AFF3: variants seen among roughly 807,000 people sequenced by gnomAD.
AFF3 encodes AF4/FMR2 family member 3.
Under a neutral mutation model 129.7 loss-of-function variants are expected in AFF3, and 32 were observed. That is an observed-to-expected ratio of 0.25 (90% CI 0.19 to 0.33). AFF3 has a LOEUF of 0.33. Among genes scored for constraint, AFF3 ranks in the 10% least tolerant of loss-of-function variants. The pLI is 1.00. For missense variants in AFF3, 1,373 were observed against 1,592.0 expected (o/e 0.86, Z 2.34); for synonymous variants, 644 against 635.4 (o/e 1.01, Z -0.20).
At chr2:100,081,580 C>T (rs1332506773) in intron 4 of AFF3, among the ~76,000 whole-genome samples, 1 of 152,108 alleles carries the variant, frequency 6.6e-6, no homozygotes, top group Non-Finnish European at 1.5e-5. Flanking sequence ...ACCATTTGGC[C>T]TCTGACCCAC....
intron 7 of AFF3, among the ~76,000 whole-genome samples, chr2:99,916,603 C>T (rs1695492017): frequency 2.0e-5 from 3 of 152,118 alleles, no homozygotes; most frequent in Non-Finnish European, 4.4e-5. Flanking sequence ...GCAAGATCTT[C>T]CAACAGGTTC....
chr2:99,707,279 C>G (rs1677488891), intron 11 of AFF3: 2 of 985,192 alleles, frequency 2.0e-6, no homozygotes, highest in Middle Eastern at 1.0e-3. Context: ...AGCCTTCTTG[C>G]TTTTAGTAAT....
chr2:99,724,267 C>CTTTTTTTTTTTTTTTTTTTTT (rs1553440069), intron 11 of AFF3, among the ~76,000 whole-genome samples: 1 of 27,006 alleles, frequency 3.7e-5, no homozygotes, highest in African/African-American at 2.0e-4. Context: ...GTGGAATGAC[C>CTTTTTTTTTTTTTTTTTTTTT]TTTCTTTTTT....
chr2:99,824,336 A>T (rs1250644421), intron 8 of AFF3, among the ~76,000 whole-genome samples: 1 of 152,110 alleles, frequency 6.6e-6, no homozygotes, highest in Non-Finnish European at 1.5e-5. Flanking sequence ...GCTGGTCTTA[A>T]ACTCCCAACC....
At chr2:99,759,231 T>C (rs1682381574) in intron 8 of AFF3, among the ~76,000 whole-genome samples, 1 of 152,220 alleles carries the variant, frequency 6.6e-6, no homozygotes, top group Non-Finnish European at 1.5e-5. Context: ...TGTACTTCAA[T>C]CTACACCCAA....
At chr2:99,689,216 C>T (rs1452899825) in intron 11 of AFF3, among the ~76,000 whole-genome samples, 4 of 149,324 alleles carry the variant, frequency 2.7e-5, no homozygotes, top group African/African-American at 1.0e-4. Context: ...TGCAGTCCCC[C>T]TATGATTTAA....
chr2:100,029,509 A>G (rs1684313045), intron 4 of AFF3, among the ~76,000 whole-genome samples: 1 of 152,162 alleles, frequency 6.6e-6, no homozygotes, highest in South Asian at 2.1e-4. Context: ...ACTAACGCAT[A>G]CAACACGGAT....
At chr2:99,898,839 C>A (rs192574348) in intron 7 of AFF3, among the ~76,000 whole-genome samples, 1 of 152,338 alleles carries the variant, frequency 6.6e-6, no homozygotes, top group East Asian at 1.9e-4. Context: ...GGCTCCACTG[C>A]CTGGGGCTCT....
intron 1 of AFF3, among the ~76,000 whole-genome samples, chr2:100,135,264 G>A (rs956948935): frequency 6.6e-6 from 1 of 152,198 alleles, no homozygotes; most frequent in Non-Finnish European, 1.5e-5. Flanking sequence ...TTTGCAATGT[G>A]ACATTGTCAC....
At chr2:99,612,674 T>C (rs1184804840) in intron 13 of AFF3, among the ~76,000 whole-genome samples, 2 of 152,162 alleles carry the variant, frequency 1.3e-5, no homozygotes, top group Non-Finnish European at 2.9e-5. Flanking sequence ...TGGGAGAGGA[T>C]AGGGTTTTGC....
At chr2:99,636,661 G>A (rs114735778) in intron 13 of AFF3, among the ~76,000 whole-genome samples, 2,215 of 152,274 alleles carry the variant, frequency 0.015, 45 homozygotes, top group African/African-American at 0.05. Context: ...GCTGCCTGGC[G>A]AGGGCAGAGG....
intron 2 of AFF3, among the ~76,000 whole-genome samples, chr2:100,111,870 A>T (rs954655934): frequency 6.6e-6 from 1 of 152,220 alleles, no homozygotes; most frequent in African/African-American, 2.4e-5. Flanking sequence ...AGTTCCCTCC[A>T]TATCAACCCT....
At chr2:99,765,507 G>A (rs576965535) in intron 8 of AFF3, among the ~76,000 whole-genome samples, 4 of 152,148 alleles carry the variant, frequency 2.6e-5, no homozygotes, top group African/African-American at 7.2e-5. Flanking sequence ...GAATGACCTC[G>A]GGCAAGTTTA....
At chr2:99,966,628 T>C (rs1347489666) in intron 7 of AFF3, among the ~76,000 whole-genome samples, 1 of 128,436 alleles carries the variant, frequency 7.8e-6, no homozygotes, top group East Asian at 2.2e-4. Context: ...AGGCGGAGCT[T>C]GCAGTGAGCC....
chr2:99,676,455 T>C (rs1687612896), intron 11 of AFF3, among the ~76,000 whole-genome samples: 1 of 152,102 alleles, frequency 6.6e-6, no homozygotes, highest in Non-Finnish European at 1.5e-5. Flanking sequence ...CTGCCTTTCA[T>C]CTAGCCCAGG....
chr2:100,006,084 T>C (rs536653107), intron 7 of AFF3: 3 of 152,360 alleles, frequency 2.0e-5, no homozygotes, highest in Non-Finnish European at 2.9e-5. Context: ...TCCAAAACAT[T>C]TGAATAGTTC....
intron 17 of AFF3, among the ~76,000 whole-genome samples, chr2:99,579,715 C>A (rs562429723): frequency 6.7e-6 from 1 of 149,376 alleles, no homozygotes; most frequent in South Asian, 2.1e-4. Context: ...AAAACTGCAT[C>A]TCAAATATAT....
intron 7 of AFF3, among the ~76,000 whole-genome samples, chr2:99,867,957 G>A (rs906278236): frequency 6.6e-5 from 10 of 151,724 alleles, no homozygotes; most frequent in South Asian, 6.3e-4. Flanking sequence ...AGAGATTAGC[G>A]TTCCCCCACA....
chr2:99,956,403 G>A (rs1398306477), intron 7 of AFF3, among the ~76,000 whole-genome samples: 1 of 152,110 alleles, frequency 6.6e-6, no homozygotes, highest in African/African-American at 2.4e-5. Context: ...TGACGGACAT[G>A]TAATGTAAAC....
Sources: allele counts gnomAD v4.1 joint callset (sites outside exome capture counted in the v4.1 genomes callset), GRCh38; gene constraint gnomAD v4.1.1; transcripts MANE v1.5; gene names NCBI Gene and HGNC (gene_info 2026-07-23, HGNC 2026-07-21).